The following PDZD2 variants were observed in gnomAD, a reference collection of about 807,000 sequenced individuals.
The protein encoded by PDZD2 is PDZ domain containing 2.
In PDZD2, 90 loss-of-function variants were observed where a neutral mutation model predicts 220.7. That is an observed-to-expected ratio of 0.41 (90% CI 0.34 to 0.49). The LOEUF (loss-of-function observed/expected upper bound fraction) is 0.49. Ranked by LOEUF, PDZD2 falls within the 20% of genes least tolerant of loss-of-function variation. The probability of loss-of-function intolerance (pLI) is 0.28; values close to 1 mark genes in which losing one functional copy is unlikely to be tolerated. For missense variants in PDZD2, 3,174 were observed against 3,608.5 expected (o/e 0.88, Z 3.08); for synonymous variants, 1,375 against 1,450.5 (o/e 0.95, Z 1.18).
chr5:32,058,068 A>G lies in PDZD2; in HGVS notation c.2165A>G (p.Lys722Arg). ...SSLGRKTPGPKDRIVMEVTLN... is the reference protein window; with the variant it reads ...SSLGRKTPGPRDRIVMEVTLN... ...CTGGGTCGGAAGACCCCTGGGCCCAAGGACAGGATCGTCATGGAAGTAACA... is the reference window on the plus strand; with the variant it reads ...CTGGGTCGGAAGACCCCTGGGCCCAGGGACAGGATCGTCATGGAAGTAACA... Residue 722 changes from lysine to arginine, a missense_variant, in exon 12 of 25, where the codon AAG becomes AGG. Physicochemically the swap from Lys to Arg is conservative, Grantham distance 26 (BLOSUM62 2). Coordinates refer to ENST00000438447, the MANE Select transcript of PDZD2 (RefSeq NM_178140.4). The G allele has an allele frequency of 6.2e-7, 1 of 1,606,818 alleles. No homozygotes were observed. The highest frequency in any genetic ancestry group is 8.5e-7 in the Non-Finnish European group (1 of 1,173,354).
chr5:32,092,875 TAATG>T, intron 20 of PDZD2, 28 bp from the exon 21 acceptor site: 1 of 1,113,926 alleles, frequency 9.0e-7, no homozygotes, highest in Admixed American at 2.1e-5. Flanking sequence ...CTTTTTTCTT[TAATG>T]TTCTTCAAAT....
intron 1 of PDZD2, among the ~76,000 whole-genome samples, chr5:31,723,344 GT>G (rs150185595): frequency 0.031 from 4,620 of 146,850 alleles, 251 homozygotes; most frequent in African/African-American, 0.11. Flanking sequence ...TTTTTGTTTT[GT>G]TTTTTTTTTC....
Position 32,074,662 on chromosome 5 carries a change from G to A in PDZD2, c.3537+19G>A. 6.5e-7 allele frequency: 1 copy of A among 1,538,854 alleles called. No individual in the cohort carries two copies. The highest frequency in any genetic ancestry group is 1.2e-5 in the South Asian group (1 of 82,900). ...GGAGAAGGTAACTGACTTTCTCTTA[G>A]TTACTTGGAATGGAAGTGCATGAAT... On this transcript the variant is annotated intron_variant, in intron 18 of 24. Coordinates refer to ENST00000438447, the MANE Select transcript of PDZD2 (RefSeq NM_178140.4).
chr5:31,646,022 G>T lies in PDZD2; in HGVS notation c.-361+6585G>T, dbSNP rs1219274513. ...CCCAGGCAGCTGGTGGGAGGAGAGA[G>T]GGTGTCAGGGAGCTTTGCACTGCGG... On this transcript the variant is annotated intron_variant, in intron 1 of 24. Coordinates refer to ENST00000438447, the MANE Select transcript of PDZD2 (RefSeq NM_178140.4). This position sits in a 1 kb window ranked among gnomAD's most constrained non-coding sequence, Gnocchi z 4.7. 8.1e-6 allele frequency among the ~76,000 whole-genome samples: 1 copy of T among 123,184 alleles called. No individual in the cohort carries two copies. Among genetic ancestry groups the T allele is most frequent in the Non-Finnish European group, 1.9e-5 (1 of 52,484 alleles). The allele number at this position is 123,184 out of a possible 152,430, so 80.8% of individuals were successfully genotyped here. A position where few individuals can be genotyped will look rare whatever the true frequency, so the allele number is the denominator to read the frequency against.
rs750306332 is a variant in PDZD2 at position 32,087,261 on chromosome 5, C to T, written c.3813C>T (p.Pro1271=). Residue 1271 remains proline, a synonymous_variant, in exon 20 of 25, where the codon CCC becomes CCT. Coordinates refer to ENST00000438447, the MANE Select transcript of PDZD2 (RefSeq NM_178140.4). The surrounding 1 kb of genome is among the most constrained non-coding windows in gnomAD (Gnocchi z 4.0). The part of the protein sequence containing the change: ...RPENPSQPAS[P]RVTKCKARSP... ...AGAATCCCAGCCAGCCTGCATCGCC[C>T]AGGGTCACCAAGTGCAAGGCCAGGT... The T allele has an allele frequency of 3.1e-6, 5 of 1,614,200 alleles. No homozygotes were observed. The highest frequency in any genetic ancestry group is 4.2e-6 in the Non-Finnish European group (5 of 1,180,012).
At chr5:31,726,773 A>G (rs955344491) in intron 1 of PDZD2, among the ~76,000 whole-genome samples, 2 of 152,216 alleles carry the variant, frequency 1.3e-5, no homozygotes, top group African/African-American at 4.8e-5. Flanking sequence ...AGTTTGGCCC[A>G]GAAAGCTATC....
At chr5:31,878,093 A>G (rs1222568884) in intron 2 of PDZD2, among the ~76,000 whole-genome samples, 2 of 152,198 alleles carry the variant, frequency 1.3e-5, no homozygotes, top group African/African-American at 4.8e-5. Context: ...AGTGGTTTGC[A>G]TTTTATTTTT....
intron 13 of PDZD2, among the ~76,000 whole-genome samples, chr5:32,060,336 TAA>T (rs919218694): frequency 4.6e-5 from 7 of 152,212 alleles, no homozygotes; most frequent in Non-Finnish European, 1.5e-5. Context: ...AAATCCCATA[TAA>T]AGAGTCTTTG....
chr5:32,031,372 C>T lies in PDZD2; in HGVS notation c.1408-5859C>T, dbSNP rs189667052. Among the ~76,000 whole-genome samples the T allele has an allele frequency of 8.2e-3, 1,253 of 152,238 alleles. 14 individuals carry two copies. Among genetic ancestry groups the T allele is most frequent in the African/African-American group, 0.029 (1,187 of 41,542 alleles). On this transcript the variant is annotated intron_variant, in intron 6 of 24. Transcript: ENST00000438447. ...TTTCTTTATTTTCTCTTTTCCACTA[C>T]GCCTATTCTGATCAGGGACCAGAGC...
chr5:32,002,901 A>ACACCACACACC (rs57291423), intron 5 of PDZD2, among the ~76,000 whole-genome samples: 2 of 13,254 alleles, frequency 1.5e-4, no homozygotes, highest in Admixed American at 8.8e-4. Context: ...ACCAACACAC[A>ACACCACACACC]CCCCCACCAC....
intron 2 of PDZD2, among the ~76,000 whole-genome samples, chr5:31,952,371 CATT>C (rs1747257862): frequency 6.6e-6 from 1 of 152,140 alleles, no homozygotes; most frequent in Non-Finnish European, 1.5e-5. Context: ...GTAAAAGTAA[CATT>C]AGAAGAAAAT....
intron 5 of PDZD2, among the ~76,000 whole-genome samples, chr5:32,007,973 G>A (rs1457900637): frequency 2.0e-5 from 3 of 151,990 alleles, no homozygotes; most frequent in Non-Finnish European, 4.4e-5. Flanking sequence ...GTGTGTTGGC[G>A]ATGCCCCTTC....
At chr5:31,710,209 G>T (rs1199253295) in intron 1 of PDZD2, among the ~76,000 whole-genome samples, 1 of 152,130 alleles carries the variant, frequency 6.6e-6, no homozygotes, top group Non-Finnish European at 1.5e-5. Context: ...TGAACTACTC[G>T]AACTCCCTTT....
chr5:31,889,695 G>C (rs1031923948), intron 2 of PDZD2, among the ~76,000 whole-genome samples: 4 of 152,076 alleles, frequency 2.6e-5, no homozygotes, highest in African/African-American at 9.7e-5. Context: ...TACTGTGTCC[G>C]AGTAAGGGAC....
intron 2 of PDZD2, among the ~76,000 whole-genome samples, chr5:31,905,543 G>A (rs1742568027): frequency 6.6e-6 from 1 of 152,202 alleles, no homozygotes; most frequent in Non-Finnish European, 1.5e-5. Context: ...ACTGGAAGAT[G>A]TTCACATTTT....
chr5:31,893,402 C>T (rs1207670686), intron 2 of PDZD2, among the ~76,000 whole-genome samples: 2 of 152,158 alleles, frequency 1.3e-5, no homozygotes, highest in Admixed American at 6.6e-5. Context: ...GAAAACCCGT[C>T]TCTACAAAAA....
chr5:31,944,346 TCTCCCCAGGTGACTGGGGG>T (rs1746457204), intron 2 of PDZD2, among the ~76,000 whole-genome samples: 1 of 152,176 alleles, frequency 6.6e-6, no homozygotes, highest in Non-Finnish European at 1.5e-5. Flanking sequence ...TGTTCTAGCC[TCTCCCCAGGTGACTGGGGG>T]ATCTTGATAA....
At chr5:31,647,368 AT>A (rs1745174268) in intron 1 of PDZD2, among the ~76,000 whole-genome samples, 1 of 152,214 alleles carries the variant, frequency 6.6e-6, no homozygotes, top group Non-Finnish European at 1.5e-5. Flanking sequence ...GCCGTCAGAA[AT>A]TAGCACAAAC....
chr5:31,969,757 A>G (rs1749125341), intron 2 of PDZD2, among the ~76,000 whole-genome samples: 1 of 152,022 alleles, frequency 6.6e-6, no homozygotes, highest in Non-Finnish European at 1.5e-5. Context: ...TGAATTATAT[A>G]TGTTGGATAT....
Sources: allele counts gnomAD v4.1 joint callset (sites outside exome capture counted in the v4.1 genomes callset), GRCh38; gene constraint gnomAD v4.1.1; non-coding constraint Gnocchi (gnomAD v3.1); transcripts MANE v1.5; gene names NCBI Gene and HGNC (gene_info 2026-07-23, HGNC 2026-07-21).